ARAP2: variants seen among roughly 807,000 people sequenced by gnomAD.
The protein encoded by ARAP2 is arf-GAP with Rho-GAP domain, ANK repeat and PH domain-containing protein 2.
Under a neutral mutation model 194.5 loss-of-function variants are expected in ARAP2, and 148 were observed. The observed-to-expected ratio is 0.76, with a 90% CI of 0.67 to 0.87. The LOEUF is 0.87. ARAP2 is among the 40% of genes least tolerant of loss of function. The pLI is 0.00. For synonymous variants in ARAP2, 695 were observed against 683.5 expected, an observed-to-expected ratio of 1.02 and a Z score of -0.26; for missense variants, 2,128 against 1,989.7, an observed-to-expected ratio of 1.07 and a Z score of -1.32.
At chr4:36,147,777 G>A in intron 17 of ARAP2, 31 bp from the exon 18 acceptor site, 1 of 1,536,938 alleles carries the variant, frequency 6.5e-7, no homozygotes, top group South Asian at 1.2e-5. Flanking sequence ...AAGTAATAAA[G>A]ACAGTGAAAA....
chr4:36,166,687 A>T lies in ARAP2; in HGVS notation c.1973+245T>A, dbSNP rs180866715. 3.3e-3 allele frequency among the ~76,000 whole-genome samples: 496 copies of T among 152,088 alleles called. 2 individuals carry two copies. The highest frequency in any genetic ancestry group is 0.014 in the Middle Eastern group (4 of 294). ...AAAAAAAACATACACCATGCCTAGT[A>T]AGAAAAATAAGTATTAAGAAATTAC... is the stretch of plus-strand genomic sequence containing the variant. On this transcript the variant is annotated intron_variant, in intron 10 of 32. Coordinates refer to ENST00000303965, the MANE Select transcript of ARAP2 (RefSeq NM_015230.4).
At chr4:36,121,128 A>C (rs1247429627) in intron 23 of ARAP2, 51 bp downstream of exon 23, 3 of 1,384,272 alleles carry the variant, frequency 2.2e-6, no homozygotes, top group Non-Finnish European at 2.9e-6. Context: ...ATTTGTTGGC[A>C]AACAGTGACA....
chr4:36,026,544 T>C (rs575466634), intron 5 of ARAP2, among the ~76,000 whole-genome samples: 38 of 152,318 alleles, frequency 2.5e-4, no homozygotes, highest in African/African-American at 8.9e-4. Context: ...CCAAGGATCC[T>C]CTGGCAACTT....
Position 36,060,899 on chromosome 4 carries a change from C to T in ARAP2, n.148-2756G>A, listed in dbSNP as rs115755096. 9.0e-3 allele frequency among the ~76,000 whole-genome samples: 1,363 copies of T among 152,188 alleles called. 24 individuals are homozygous for T. Among genetic ancestry groups the T allele is most frequent in the African/African-American group, 0.031 (1,300 of 41,518 alleles). ...TTTAACTCAACCACCTCTGTGAAGGCCCTACCTCCAAATATAGTCACATTC... is the reference window on the plus strand; with the variant it reads ...TTTAACTCAACCACCTCTGTGAAGGTCCTACCTCCAAATATAGTCACATTC... On this transcript the variant is annotated intron_variant and non_coding_transcript_variant, in intron 1 of 12. Coordinates refer to the ARAP2 transcript ENST00000503225.
At chr4:36,177,535 C>T (rs774565527) in intron 9 of ARAP2, among the ~76,000 whole-genome samples, 3 of 152,124 alleles carry the variant, frequency 2.0e-5, no homozygotes, top group East Asian at 3.9e-4. Flanking sequence ...CTCATGTAGT[C>T]GTACAATGTC....
chr4:36,052,735 C>T (rs1213442990), intron 2 of ARAP2, among the ~76,000 whole-genome samples: 7 of 152,108 alleles, frequency 4.6e-5, no homozygotes, highest in Non-Finnish European at 8.8e-5. Flanking sequence ...GAGGCCGAGG[C>T]GGGCGGATCA....
intron 11 of ARAP2, among the ~76,000 whole-genome samples, chr4:36,163,518 A>G (rs1734567651): frequency 6.6e-6 from 1 of 152,102 alleles, no homozygotes; most frequent in South Asian, 2.1e-4. Context: ...AAAACTTAGG[A>G]AGTTAAAGGA....
chr4:36,027,632 T>C (rs1270843515), intron 5 of ARAP2, among the ~76,000 whole-genome samples: 1 of 152,092 alleles, frequency 6.6e-6, no homozygotes, highest in Non-Finnish European at 1.5e-5. Flanking sequence ...ATTATTATCA[T>C]GTATCTATTA....
At chr4:36,156,435 GA>G (rs1560550005) in intron 15 of ARAP2, among the ~76,000 whole-genome samples, 8 of 55,560 alleles carry the variant, frequency 1.4e-4, no homozygotes, top group Admixed American at 1.8e-4. Flanking sequence ...AAGAAAGAAA[GA>G]AAGAAAGAGA....
chr4:36,068,402 AACTTT>A (rs1412405109), intron 32 of ARAP2, 124 bp from the exon 33 acceptor site: 17 of 1,071,686 alleles, frequency 1.6e-5, no homozygotes, highest in Non-Finnish European at 2.0e-5. Flanking sequence ...CTTAGGTCCT[AACTTT>A]ACTTCGATAC....
intron 2 of ARAP2, among the ~76,000 whole-genome samples, chr4:36,055,561 T>C (rs1723348217): frequency 6.6e-6 from 1 of 152,136 alleles, no homozygotes; most frequent in South Asian, 2.1e-4. Context: ...TTTATTTTTA[T>C]TTTTATTTAT....
chr4:36,219,921 T>A (rs563067492), intron 2 of ARAP2, among the ~76,000 whole-genome samples: 1 of 152,304 alleles, frequency 6.6e-6, no homozygotes, highest in African/African-American at 2.4e-5. Flanking sequence ...AAGATTGCAA[T>A]TTTTTAAGAT....
At chr4:36,177,745 T>G in intron 9 of ARAP2, 82 bp downstream of exon 9, 1 of 1,353,520 alleles carries the variant, frequency 7.4e-7, no homozygotes, top group Non-Finnish European at 9.9e-7. Flanking sequence ...ATAAGTAAAA[T>G]CACTAATAAT....
chr4:36,243,094 T>TA (rs34480407), intron 1 of ARAP2, among the ~76,000 whole-genome samples: 2,405 of 148,246 alleles, frequency 0.016, 61 homozygotes, highest in African/African-American at 0.049. Flanking sequence ...AAATAAGAGT[T>TA]AAAAAAAAAA....
chr4:36,077,296 G>A lies in ARAP2; in HGVS notation c.4608+2920C>T, dbSNP rs557596402. On this transcript the variant is annotated intron_variant, in intron 31 of 32. Transcript: ENST00000303965. The stretch of plus-strand genomic sequence containing the variant: ...ACGCCATATCTGATCGAAACAATCT[G>A]TGAGCCCTTCGTAAATCAGACACAA... 5.3e-5 allele frequency among the ~76,000 whole-genome samples: 8 copies of A among 152,178 alleles called. No homozygotes were observed. The South Asian group carries it at 1.7e-3, about 32-fold the overall frequency.
At chr4:36,149,971 T>C (rs955945409) in intron 16 of ARAP2, among the ~76,000 whole-genome samples, 1 of 152,302 alleles carries the variant, frequency 6.6e-6, no homozygotes, top group East Asian at 1.9e-4. Flanking sequence ...TTTTCATTAA[T>C]TACATCAAAA....
intron 20 of ARAP2, among the ~76,000 whole-genome samples, chr4:36,132,265 C>T (rs1340163450): frequency 6.6e-6 from 1 of 151,720 alleles, no homozygotes; most frequent in Non-Finnish European, 1.5e-5. Flanking sequence ...ACAACAAGCA[C>T]TCGATAAAGA....
At chr4:36,136,925 C>T (rs113259043) in intron 19 of ARAP2, among the ~76,000 whole-genome samples, 4,602 of 33,502 alleles carry the variant, frequency 0.14, 229 homozygotes, top group African/African-American at 0.38. Context: ...CACATACACG[C>T]GCGCGCGCAC....
intron 5 of ARAP2, among the ~76,000 whole-genome samples, chr4:36,042,917 A>G (rs1721121457): frequency 6.7e-6 from 1 of 150,144 alleles, no homozygotes; most frequent in Admixed American, 6.7e-5. Context: ...ATCTTGGCTC[A>G]TTGCAACCTC....
Sources: allele counts gnomAD v4.1 joint callset (sites outside exome capture counted in the v4.1 genomes callset), GRCh38; gene constraint gnomAD v4.1.1; transcripts MANE v1.5; gene names NCBI Gene and HGNC (gene_info 2026-07-23, HGNC 2026-07-21).